Variants in PLCH1 observed in about 807,000 individuals in gnomAD.
PLCH1 encodes 1-phosphatidylinositol 4,5-bisphosphate phosphodiesterase eta-1.
A neutral mutation model predicts 126.7 loss-of-function variants in PLCH1; 60 were observed. The ratio of observed to expected loss-of-function variants is 0.47; its 90% CI spans 0.38 to 0.59. The LOEUF (loss-of-function observed/expected upper bound fraction) is 0.59, where lower values mean the gene tolerates loss of function less well. PLCH1 is among the 20% of genes least tolerant of loss of function. The pLI, the probability that PLCH1 is intolerant of heterozygous loss-of-function variation, is 0.00. For missense variants in PLCH1, 1,723 were observed against 2,040.0 expected, an observed-to-expected ratio of 0.84 and a Z score of 2.99; for synonymous variants, 719 against 734.9, an observed-to-expected ratio of 0.98 and a Z score of 0.35.
chr3:155,512,992 C>T (rs1719796902), intron 12 of PLCH1, among the ~76,000 whole-genome samples: 1 of 152,202 alleles, frequency 6.6e-6, no homozygotes, highest in Non-Finnish European at 1.5e-5. Flanking sequence ...CTACTAAGTT[C>T]TTCCAGCCTG....
rs569715659 is a variant in PLCH1, at chr3:155,484,924, G to A, written c.2974+432C>T. The stretch of plus-strand genomic sequence containing the variant: ...TGCCTGTTTTTGAAAAAGGTGGCTC[G>A]TTTTTAACATCTGGCTTTCTTTCTC... On this transcript the variant is annotated intron_variant, in intron 22 of 22. Coordinates refer to ENST00000460012, the MANE Select transcript of PLCH1 (RefSeq NM_014996.4). 3.3e-5 allele frequency among the ~76,000 whole-genome samples: 5 copies of A among 152,294 alleles called. No individual in the cohort carries two copies. The East Asian group carries it at 5.8e-4, about 18-fold the overall frequency.
chr3:155,501,339 A>C (rs537426295), intron 13 of PLCH1, among the ~76,000 whole-genome samples: 9 of 152,176 alleles, frequency 5.9e-5, no homozygotes, highest in Non-Finnish European at 1.0e-4. Flanking sequence ...GCAGGAAAAA[A>C]AATTGCTACC....
intron 10 of PLCH1, among the ~76,000 whole-genome samples, chr3:155,544,918 G>T (rs1271646367): frequency 6.6e-6 from 1 of 150,994 alleles, no homozygotes; most frequent in East Asian, 1.9e-4. Flanking sequence ...AGCACTAAAT[G>T]CCCATAAGAG....
intron 1 of PLCH1, among the ~76,000 whole-genome samples, chr3:155,728,016 T>G (rs1240744288): frequency 1.3e-5 from 2 of 152,192 alleles, no homozygotes; most frequent in African/African-American, 4.8e-5. Context: ...CTTCTGGCAA[T>G]GAAAACTGAA....
At chr3:155,675,945 T>C in intron 2 of PLCH1, 3 of 917,818 alleles carry the variant, frequency 3.3e-6, no homozygotes, top group East Asian at 2.7e-5. Flanking sequence ...ATGTTTACCA[T>C]CTTTTACTAG....
intron 2 of PLCH1, among the ~76,000 whole-genome samples, chr3:155,661,885 G>A (rs1377603435): frequency 6.6e-6 from 1 of 152,206 alleles, no homozygotes; most frequent in African/African-American, 2.4e-5. Context: ...CTAATCTTAA[G>A]CAAATAGGCA....
At chr3:155,676,743 T>C (rs541791937) in intron 2 of PLCH1, among the ~76,000 whole-genome samples, 1 of 152,110 alleles carries the variant, frequency 6.6e-6, no homozygotes, top group African/African-American at 2.4e-5. Flanking sequence ...CACACAAACA[T>C]AGCAATGATC....
chr3:155,566,197 A>G (rs540652455), intron 7 of PLCH1, among the ~76,000 whole-genome samples: 2 of 69,792 alleles, frequency 2.9e-5, no homozygotes, highest in Non-Finnish European at 4.0e-5. Flanking sequence ...ATATATACAC[A>G]TACATATATA....
chr3:155,722,064 G>A (rs1747988027), intron 1 of PLCH1, among the ~76,000 whole-genome samples: 1 of 152,058 alleles, frequency 6.6e-6, no homozygotes, highest in Non-Finnish European at 1.5e-5. Context: ...ATAAAGAAGT[G>A]GTGAAAGTGG....
In PLCH1 at chr3:155,482,209, G is replaced by C; in HGVS notation, c.3817C>G (p.Pro1273Ala). Residue 1273 changes from proline to alanine, a missense_variant, in exon 23 of 23, where the codon CCC becomes GCC. Physicochemically the swap from Pro to Ala is conservative, Grantham distance 27. Coordinates refer to ENST00000460012, the MANE Select transcript of PLCH1 (RefSeq NM_014996.4). ...TNTVYETTCT[P>A]ISKTKPDDDL... ...TCATCTGGTTTGGTTTTAGAGATGG[G>C]AGTGCAGGTAGTTTCATAAACTGTG... The C allele has an allele frequency of 6.2e-7, 1 of 1,614,174 alleles. No homozygotes were observed. The highest frequency in any genetic ancestry group is 8.5e-7 in the Non-Finnish European group (1 of 1,180,034).
intron 8 of PLCH1, among the ~76,000 whole-genome samples, chr3:155,557,694 C>T (rs1461563286): frequency 6.6e-6 from 1 of 152,074 alleles, no homozygotes. Context: ...CTGTCCAATT[C>T]CCCTGCTCAT....
intron 2 of PLCH1, among the ~76,000 whole-genome samples, chr3:155,663,783 A>G (rs940006684): frequency 5.3e-5 from 8 of 152,182 alleles, no homozygotes; most frequent in Non-Finnish European, 1.0e-4. Flanking sequence ...TCTACATGCT[A>G]AATGCTGAAT....
chr3:155,523,704 A>G (rs1240256242), intron 11 of PLCH1, among the ~76,000 whole-genome samples, 193 bp downstream of exon 11: 1 of 152,244 alleles, frequency 6.6e-6, no homozygotes, highest in Non-Finnish European at 1.5e-5. Context: ...ACACTCAGAC[A>G]CAAGAATCCT....
At chr3:155,546,067 G>A (rs1201144624) in intron 10 of PLCH1, among the ~76,000 whole-genome samples, 5 of 152,252 alleles carry the variant, frequency 3.3e-5, no homozygotes, top group Middle Eastern at 3.4e-3. Flanking sequence ...GAAATAAAGG[G>A]TATTCAATTA....
intron 1 of PLCH1, among the ~76,000 whole-genome samples, chr3:155,718,037 C>T (rs977521839): frequency 5.9e-5 from 9 of 152,204 alleles, no homozygotes; most frequent in Non-Finnish European, 1.0e-4. Context: ...CAGGTCACAA[C>T]TTGAACAATA....
intron 1 of PLCH1, among the ~76,000 whole-genome samples, chr3:155,732,173 A>C (rs773625823): frequency 6.6e-6 from 1 of 152,116 alleles, no homozygotes; most frequent in Non-Finnish European, 1.5e-5. Context: ...AAAAATTAGG[A>C]AAACAATAAA....
intron 12 of PLCH1, among the ~76,000 whole-genome samples, chr3:155,505,881 C>A (rs1274252134): frequency 6.7e-6 from 1 of 149,692 alleles, no homozygotes; most frequent in African/African-American, 2.5e-5. Flanking sequence ...CAAGCCTCTT[C>A]TCTTGGTCCG....
rs531276309 is a variant in PLCH1, at chr3:155,472,427, C to CA, written c.2938+12928dup. 2.0e-4 allele frequency among the ~76,000 whole-genome samples: 30 copies of CA among 152,172 alleles called. 1 individual carries two copies. The South Asian group carries it at 6.2e-3, about 32-fold the overall frequency. On this transcript the variant is annotated intron_variant, in intron 21 of 21. Transcript: ENST00000494598. ...TCAATAACAGGAGCTCAAATTGTGG[C>CA]AAAAATCAATAGTTTACCAACCAAA...
intron 5 of PLCH1, among the ~76,000 whole-genome samples, chr3:155,585,124 A>T (rs1731190461): frequency 6.6e-6 from 1 of 151,892 alleles, no homozygotes; most frequent in East Asian, 1.9e-4. Context: ...GTGCAATGGG[A>T]CTCAGTTTCC....
Sources: allele counts gnomAD v4.1 joint callset (sites outside exome capture counted in the v4.1 genomes callset), GRCh38; gene constraint gnomAD v4.1.1; transcripts MANE v1.5; gene names NCBI Gene and HGNC (gene_info 2026-07-23, HGNC 2026-07-21).